The following MGAT4C variants were observed in gnomAD, a reference collection of about 807,000 sequenced individuals.
The protein encoded by MGAT4C is MGAT4 family member C.
In MGAT4C, 19 loss-of-function variants were observed where a neutral mutation model predicts 40.1. That is an observed-to-expected ratio of 0.47 (90% confidence interval 0.33 to 0.70). MGAT4C has a LOEUF of 0.70. Ranked by LOEUF, MGAT4C falls within the 30% of genes least tolerant of loss-of-function variation. MGAT4C has a pLI of 0.02. For missense variants in MGAT4C, 491 were observed against 563.2 expected, an observed-to-expected ratio of 0.87 and a Z score of 1.30; for synonymous variants, 181 against 187.1, an observed-to-expected ratio of 0.97 and a Z score of 0.27.
intron 1 of MGAT4C, among the ~76,000 whole-genome samples, chr12:86,141,203 T>C (rs1019823338): frequency 5.3e-5 from 8 of 152,150 alleles, no homozygotes; most frequent in Admixed American, 4.6e-4. Flanking sequence ...CCTCTGAGAT[T>C]TGGTGGTTAT....
intron 2 of MGAT4C, among the ~76,000 whole-genome samples, chr12:86,513,147 C>T (rs146191197): frequency 4.7e-4 from 72 of 151,942 alleles, no homozygotes; most frequent in East Asian, 1.4e-3. Flanking sequence ...TTAATAGTTA[C>T]GAAGTAAGAT....
At chr12:86,737,347 T>TTC (rs1285362628) in intron 1 of MGAT4C, among the ~76,000 whole-genome samples, 4 of 149,940 alleles carry the variant, frequency 2.7e-5, no homozygotes, top group Admixed American at 6.7e-5. Flanking sequence ...AAATACTTTT[T>TTC]TTTTTTTTTT....
rs566592194 is a variant in MGAT4C, at chr12:86,549,444, G to A, written c.-228-114179C>T. On this transcript the variant is annotated intron_variant, in intron 2 of 7. Coordinates refer to the MGAT4C transcript ENST00000548651. ...AGTTTAATTGCTTGTTATACCTATT[G>A]ACTTACAGTTGGAAATATAATGTGA... Among the ~76,000 whole-genome samples the A allele has an allele frequency of 2.0e-5, 3 of 152,178 alleles. No individual in the cohort carries two copies. The East Asian group carries it at 5.8e-4, about 29-fold the overall frequency.
At chr12:86,591,337 A>T (rs1961320668) in intron 2 of MGAT4C, among the ~76,000 whole-genome samples, 1 of 151,996 alleles carries the variant, frequency 6.6e-6, no homozygotes, top group Admixed American at 6.6e-5. Flanking sequence ...GGAGATTTTA[A>T]TGTTACTATT....
chr12:86,453,234 A>G (rs1467126092), intron 2 of MGAT4C, among the ~76,000 whole-genome samples: 5 of 152,140 alleles, frequency 3.3e-5, no homozygotes, highest in African/African-American at 1.2e-4. Flanking sequence ...TATGATTGTT[A>G]GTTTGGTTCA....
chr12:85,988,611 T>C (rs1885520563), intron 3 of MGAT4C, among the ~76,000 whole-genome samples: 1 of 151,962 alleles, frequency 6.6e-6, no homozygotes, highest in Admixed American at 6.6e-5. Flanking sequence ...TATTTTAGGC[T>C]CCATTAAGAT....
chr12:86,440,012 T>A (rs1281287365), intron 2 of MGAT4C, among the ~76,000 whole-genome samples: 1 of 151,980 alleles, frequency 6.6e-6, no homozygotes, highest in Non-Finnish European at 1.5e-5. Context: ...AAGTTCAGGG[T>A]CAGATGGCTT....
At chr12:86,550,150 G>A (rs371335605) in intron 2 of MGAT4C, among the ~76,000 whole-genome samples, 12 of 152,216 alleles carry the variant, frequency 7.9e-5, no homozygotes, top group African/African-American at 2.6e-4. Flanking sequence ...GAAGAAATAG[G>A]TACTTGTTTC....
rs566650606 is a variant in MGAT4C, at chr12:86,420,444, C to T, written c.-120+14713G>A. Among the ~76,000 whole-genome samples, 31 of 152,072 alleles carry T rather than the reference C, an allele frequency of 2.0e-4. No homozygotes were observed. The East Asian group carries it at 2.3e-3, about 11-fold the overall frequency. Reference sequence around the variant, plus strand: ...CAAGTGTTTACTGTTTAAGCTAATGCATAGGTAGCAAGACTATTCATTGGT... The same window carrying T: ...CAAGTGTTTACTGTTTAAGCTAATGTATAGGTAGCAAGACTATTCATTGGT... On this transcript the variant is annotated intron_variant, in intron 3 of 7. Transcript: ENST00000548651.
chr12:86,370,234 G>A (rs997429055), intron 3 of MGAT4C, among the ~76,000 whole-genome samples: 1 of 151,930 alleles, frequency 6.6e-6, no homozygotes, highest in African/African-American at 2.4e-5. Context: ...AAATGTTAGA[G>A]TAAATATACA....
chr12:86,134,099 T>C (rs1374914138), intron 1 of MGAT4C, among the ~76,000 whole-genome samples: 1 of 152,144 alleles, frequency 6.6e-6, no homozygotes, highest in African/African-American at 2.4e-5. Context: ...TGTTTTACAA[T>C]TCTATGTTAC....
intron 1 of MGAT4C, among the ~76,000 whole-genome samples, chr12:86,774,356 C>CTT (rs1565981843): frequency 1.2e-3 from 25 of 20,994 alleles, no homozygotes; most frequent in African/African-American, 2.7e-3. Context: ...TCTCTCTCCC[C>CTT]TCTCTCTCTC....
chr12:86,123,520 T>C (rs569305114), intron 1 of MGAT4C, among the ~76,000 whole-genome samples: 1 of 152,248 alleles, frequency 6.6e-6, no homozygotes, highest in East Asian at 1.9e-4. Flanking sequence ...CAACTATATT[T>C]GCTATACTGG....
At chr12:86,459,184 C>A (rs1241814659) in intron 2 of MGAT4C, among the ~76,000 whole-genome samples, 2 of 152,032 alleles carry the variant, frequency 1.3e-5, no homozygotes, top group African/African-American at 4.8e-5. Context: ...ATAAACATAG[C>A]TTTATGCTAT....
At chr12:86,540,486 C>T (rs1959155763) in intron 2 of MGAT4C, among the ~76,000 whole-genome samples, 1 of 152,178 alleles carries the variant, frequency 6.6e-6, no homozygotes, top group African/African-American at 2.4e-5. Flanking sequence ...GCCGGTAATT[C>T]CAGCACTTTG....
chr12:86,123,988 A>G (rs1830904098), intron 1 of MGAT4C, among the ~76,000 whole-genome samples: 1 of 152,046 alleles, frequency 6.6e-6, no homozygotes, highest in African/African-American at 2.4e-5. Flanking sequence ...TCATTCCCCA[A>G]ATGATTCTAC....
At chr12:86,542,174 G>A (rs372018455) in intron 2 of MGAT4C, among the ~76,000 whole-genome samples, 13 of 152,046 alleles carry the variant, frequency 8.6e-5, no homozygotes, top group African/African-American at 3.1e-4. Context: ...GGGGAAATAG[G>A]GCTCAGTGAT....
intron 4 of MGAT4C, among the ~76,000 whole-genome samples, chr12:86,283,820 A>G (rs1238391453): frequency 6.6e-6 from 1 of 152,116 alleles, no homozygotes; most frequent in Non-Finnish European, 1.5e-5. Context: ...CTGTTGGAAC[A>G]CTGCTTTTCT....
intron 1 of MGAT4C, among the ~76,000 whole-genome samples, chr12:86,051,153 G>A (rs1376902134): frequency 6.6e-6 from 1 of 151,962 alleles, no homozygotes; most frequent in Non-Finnish European, 1.5e-5. Context: ...ATCACCAGAT[G>A]ATCAGGCAAC....
Sources: allele counts gnomAD v4.1 joint callset (sites outside exome capture counted in the v4.1 genomes callset), GRCh38; gene constraint gnomAD v4.1.1; transcripts MANE v1.5; gene names NCBI Gene and HGNC (gene_info 2026-07-23, HGNC 2026-07-21).